IMMP2L: variants seen among roughly 807,000 people sequenced by gnomAD.
IMMP2L encodes inner mitochondrial membrane peptidase subunit 2.
IMMP2L carries 18 observed loss-of-function variants against 19.3 expected under a neutral mutation model. The observed-to-expected ratio is 0.93, with a 90% confidence interval of 0.64 to 1.38. IMMP2L has a LOEUF of 1.38. Ranked by LOEUF, IMMP2L falls within the 40% of genes most tolerant of loss-of-function variation. IMMP2L has a pLI of 0.00. For missense variants in IMMP2L, 233 were observed against 218.2 expected (o/e 1.07, Z -0.43); for synonymous variants, 76 against 73.0 (o/e 1.04, Z -0.21).
At position 111,181,827 on chromosome 7, in the gene IMMP2L, C is replaced by G. The variant is rs142409654; in HGVS notation, c.240-218262G>C. Among the ~76,000 whole-genome samples the G allele has an allele frequency of 1.4e-4, 21 of 152,024 alleles. No homozygotes were observed. The East Asian group carries it at 3.5e-3, about 25-fold the overall frequency. On this transcript the variant is annotated intron_variant, in intron 3 of 5. Transcript: ENST00000405709. ...TACTAAGGGTTTCTTACCATTGTTT[C>G]CACATTTCTGCTTACTTCTTACGGC...
intron 5 of IMMP2L, among the ~76,000 whole-genome samples, chr7:110,815,327 T>A (rs1802399418): frequency 6.6e-6 from 1 of 152,088 alleles, no homozygotes; most frequent in African/African-American, 2.4e-5. Flanking sequence ...CACTTGATCA[T>A]GGTGGATAAG....
chr7:110,858,399 C>G (rs1460423827), intron 5 of IMMP2L, among the ~76,000 whole-genome samples: 1 of 151,900 alleles, frequency 6.6e-6, no homozygotes, highest in Non-Finnish European at 1.5e-5. Flanking sequence ...CTAATTTAAT[C>G]AAACTCCTTG....
intron 3 of IMMP2L, among the ~76,000 whole-genome samples, chr7:111,478,146 C>G (rs965555359): frequency 4.2e-4 from 64 of 152,076 alleles, no homozygotes; most frequent in Admixed American, 4.2e-3. Context: ...ATATTATTTA[C>G]ACTATTGATT....
chr7:110,925,170 G>A (rs1201505603), intron 4 of IMMP2L, among the ~76,000 whole-genome samples: 1 of 152,068 alleles, frequency 6.6e-6, no homozygotes, highest in African/African-American at 2.4e-5. Context: ...ATAGAAATAT[G>A]GATATAGCTT....
chr7:110,716,577 T>C (rs900583782), intron 5 of IMMP2L, among the ~76,000 whole-genome samples: 6 of 152,232 alleles, frequency 3.9e-5, no homozygotes. Context: ...TGGCAGGATA[T>C]GAAATTCTTG....
At chr7:111,498,436 T>A (rs1843807193) in intron 2 of IMMP2L, among the ~76,000 whole-genome samples, 1 of 152,022 alleles carries the variant, frequency 6.6e-6, no homozygotes, top group African/African-American at 2.4e-5. Flanking sequence ...ACATGCGGAA[T>A]CTTTAACTTC....
chr7:111,281,027 G>T (rs1356776819), intron 3 of IMMP2L, among the ~76,000 whole-genome samples: 1 of 151,106 alleles, frequency 6.6e-6, no homozygotes, highest in African/African-American at 2.4e-5. Context: ...TGGAGATCAC[G>T]CCACTGCACT....
chr7:111,316,049 T>C (rs1033641337), intron 3 of IMMP2L, among the ~76,000 whole-genome samples: 52 of 152,268 alleles, frequency 3.4e-4, no homozygotes, highest in African/African-American at 1.2e-3. Context: ...CTGTACAGCA[T>C]GTAACTGCAC....
At chr7:111,301,361 G>GTT (rs1220939643) in intron 3 of IMMP2L, among the ~76,000 whole-genome samples, 17 of 139,362 alleles carry the variant, frequency 1.2e-4, no homozygotes, top group African/African-American at 4.2e-4. Flanking sequence ...TGTTTGTTTT[G>GTT]TTTTTTTTTT....
At chr7:110,821,657 A>G (rs1803041559) in intron 5 of IMMP2L, among the ~76,000 whole-genome samples, 1 of 152,074 alleles carries the variant, frequency 6.6e-6, no homozygotes, top group African/African-American at 2.4e-5. Flanking sequence ...TCACATCCAT[A>G]ATCCCAGCAC....
At chr7:111,273,717 G>A (rs1009909126) in intron 3 of IMMP2L, among the ~76,000 whole-genome samples, 3 of 151,976 alleles carry the variant, frequency 2.0e-5, no homozygotes, top group African/African-American at 7.2e-5. Context: ...TTACGGTTAG[G>A]AACATTCAAG....
chr7:110,928,776 T>A (rs910675749), intron 4 of IMMP2L, among the ~76,000 whole-genome samples: 1 of 152,152 alleles, frequency 6.6e-6, no homozygotes, highest in Non-Finnish European at 1.5e-5. Context: ...ATAAACTTGC[T>A]GAATCCTTCC....
At chr7:110,795,310 G>T (rs536928665) in intron 5 of IMMP2L, among the ~76,000 whole-genome samples, 1 of 152,148 alleles carries the variant, frequency 6.6e-6, no homozygotes, top group South Asian at 2.1e-4. Flanking sequence ...CATGATTACA[G>T]ATTCTCCTAC....
intron 3 of IMMP2L, among the ~76,000 whole-genome samples, chr7:111,198,372 T>A (rs1028273081): frequency 6.6e-6 from 1 of 152,134 alleles, no homozygotes; most frequent in African/African-American, 2.4e-5. Flanking sequence ...GCAGAGTGAC[T>A]TTAAGCAAGT....
Position 111,495,910 on chromosome 7 carries a change from T to C in IMMP2L, c.136-8569A>G, listed in dbSNP as rs555033158. On this transcript the variant is annotated intron_variant, in intron 2 of 5. Coordinates refer to ENST00000405709, the MANE Select transcript of IMMP2L (RefSeq NM_032549.4). ...ATCTACAACAGGTAAATATCAAACT[T>C]TGTGCTTTTAAGTGAGATGGAGCCC... Among the ~76,000 whole-genome samples the C allele has an allele frequency of 3.3e-5, 5 of 152,194 alleles. No individual in the cohort carries two copies. The South Asian group carries it at 1.0e-3, about 32-fold the overall frequency.
chr7:110,876,536 A>C (rs1352713911), intron 5 of IMMP2L, among the ~76,000 whole-genome samples: 1 of 152,144 alleles, frequency 6.6e-6, no homozygotes, highest in Non-Finnish European at 1.5e-5. Context: ...GACCCACCAG[A>C]GATAAGCATG....
chr7:111,482,580 T>C (rs889291418), intron 3 of IMMP2L, among the ~76,000 whole-genome samples: 6 of 152,156 alleles, frequency 3.9e-5, no homozygotes, highest in Non-Finnish European at 5.9e-5. Context: ...GTAGACTTAT[T>C]TCTAGAATCC....
chr7:111,077,831 A>G (rs1183393885), intron 3 of IMMP2L, among the ~76,000 whole-genome samples: 2 of 152,104 alleles, frequency 1.3e-5, no homozygotes, highest in Non-Finnish European at 2.9e-5. Flanking sequence ...CTCTTTGTTC[A>G]TTACTCATGC....
chr7:111,124,237 A>G (rs756065495), intron 3 of IMMP2L: 10 of 1,613,878 alleles, frequency 6.2e-6, no homozygotes, highest in Non-Finnish European at 8.5e-6. Flanking sequence ...CGTAACTCCC[A>G]AAGAAGGGGG....
Sources: allele counts gnomAD v4.1 joint callset (sites outside exome capture counted in the v4.1 genomes callset), GRCh38; gene constraint gnomAD v4.1.1; transcripts MANE v1.5; gene names NCBI Gene and HGNC (gene_info 2026-07-23, HGNC 2026-07-21).